The following SATL1 variants were observed in gnomAD, a reference collection of about 807,000 sequenced individuals.
SATL1 encodes the protein spermidine/spermine N1-acetyl transferase like 1.
A neutral mutation model predicts 51.8 loss-of-function variants in SATL1; 47 were observed. That is an observed-to-expected ratio of 0.91 (90% CI 0.72 to 1.16). The LOEUF (loss-of-function observed/expected upper bound fraction) is 1.16. Ranked by LOEUF, SATL1 falls within the 50% of genes most tolerant of loss-of-function variation. SATL1 has a pLI of 0.00. For synonymous variants in SATL1, 176 were observed against 182.4 expected (o/e 0.97, Z 0.28); for missense variants, 520 against 526.4 (o/e 0.99, Z 0.12).
chrX:85,218,340 C>T (rs767958942), intron 2 of SATL1, among the ~76,000 whole-genome samples: 1 of 111,593 alleles, frequency 9.0e-6, no homozygotes, highest in Non-Finnish European at 1.9e-5. Context: ...CAGATTCATA[C>T]TTTCTCAGAT....
chrX:85,120,392 T>C (rs760387014), intron 2 of SATL1, among the ~76,000 whole-genome samples: 8 of 111,177 alleles, frequency 7.2e-5, no homozygotes, highest in Non-Finnish European at 1.1e-4. Context: ...TGTGGAAAAA[T>C]TGAGAGGTAA....
At chrX:85,220,643 T>C (rs1262156999) in intron 2 of SATL1, among the ~76,000 whole-genome samples, 1 of 33,066 alleles carries the variant, frequency 3.0e-5, no homozygotes, top group Non-Finnish European at 5.0e-5. Context: ...CACTTCTGTG[T>C]TAAAAAAAAA....
chrX:85,117,591 G>A (rs187691519), intron 2 of SATL1: 1,795 of 111,147 alleles, frequency 0.016, 18 homozygotes, highest in Non-Finnish European at 0.026. Flanking sequence ...GAAAGGGAGA[G>A]AAAAGGAAAG....
intron 1 of SATL1, among the ~76,000 whole-genome samples, chrX:85,227,346 T>C (rs752755671): frequency 8.9e-6 from 1 of 112,088 alleles, no homozygotes; most frequent in East Asian, 2.8e-4. Context: ...AACTTTGAAC[T>C]GCACAAAAGT....
At position 85,164,002 on chromosome X, in the gene SATL1, A is replaced by G. The variant is rs367994673; in HGVS notation, c.-312-54722T>C. 1.4e-4 allele frequency among the ~76,000 whole-genome samples: 16 copies of G among 112,150 alleles called. No individual in the cohort carries two copies. The East Asian group carries it at 3.7e-3, about 26-fold the overall frequency. On this transcript the variant is annotated intron_variant, in intron 2 of 7. Transcript: ENST00000644105. ...TTCCTGTTGGACTAGTCCTTTTATC[A>G]TTATATAATGTCCCTCTTTGTCTTT...
intron 2 of SATL1, among the ~76,000 whole-genome samples, chrX:85,204,356 A>G (rs1459559672): frequency 8.9e-6 from 1 of 111,946 alleles, no homozygotes; most frequent in Non-Finnish European, 1.9e-5. Flanking sequence ...GTTCCTCTCC[A>G]TGATAGCCAC....
intron 2 of SATL1, among the ~76,000 whole-genome samples, 161 bp from the exon 3 acceptor site, chrX:85,109,441 C>T (rs1469658707): frequency 9.0e-6 from 1 of 110,926 alleles, no homozygotes; most frequent in Non-Finnish European, 1.9e-5. Flanking sequence ...CAAAGCAGGG[C>T]TCGCTTGACC....
chrX:85,105,784 A>T (rs1925024632), intron 3 of SATL1, among the ~76,000 whole-genome samples: 1 of 112,487 alleles, frequency 8.9e-6, no homozygotes, highest in African/African-American at 3.2e-5. Flanking sequence ...ACAAATGGAC[A>T]TAAAATATTA....
chrX:85,186,939 T>C (rs752029697), intron 2 of SATL1, among the ~76,000 whole-genome samples: 1 of 111,964 alleles, frequency 8.9e-6, no homozygotes, highest in South Asian at 3.7e-4. Flanking sequence ...TATAGATTGC[T>C]TTGATTATAT....
intron 2 of SATL1, among the ~76,000 whole-genome samples, chrX:85,178,937 C>T (rs1280088031): frequency 9.0e-6 from 1 of 111,541 alleles, no homozygotes; most frequent in South Asian, 3.7e-4. Flanking sequence ...TCAGGAGATG[C>T]TCTCTGGCCA....
chrX:85,206,906 G>A (rs996581906), intron 2 of SATL1, among the ~76,000 whole-genome samples: 4 of 111,395 alleles, frequency 3.6e-5, no homozygotes, highest in African/African-American at 1.3e-4. Context: ...TACAAGCAGA[G>A]AAAGTTTATT....
chrX:85,111,519 G>A (rs1196297964), intron 2 of SATL1, among the ~76,000 whole-genome samples: 1 of 111,991 alleles, frequency 8.9e-6, no homozygotes, highest in Non-Finnish European at 1.9e-5. Flanking sequence ...TTTTTAAAAA[G>A]CTTCAGTAGT....
At chrX:85,093,584 CAT>C (rs1241651260) in intron 6 of SATL1, among the ~76,000 whole-genome samples, 1 of 112,476 alleles carries the variant, frequency 8.9e-6, no homozygotes, top group Non-Finnish European at 1.9e-5. Flanking sequence ...ATGGCTCACA[CAT>C]GTGATGGCAC....
At chrX:85,130,223 G>T (rs1925748650) in intron 2 of SATL1, among the ~76,000 whole-genome samples, 1 of 111,607 alleles carries the variant, frequency 9.0e-6, no homozygotes, top group Non-Finnish European at 1.9e-5. Context: ...AAGGAATGGT[G>T]CCAGCTCCTC....
At chrX:85,183,243 G>A (rs1927245338) in intron 2 of SATL1, among the ~76,000 whole-genome samples, 2 of 109,623 alleles carry the variant, frequency 1.8e-5, no homozygotes, top group African/African-American at 6.6e-5. Context: ...ATTTTGAGTT[G>A]ATTTTTGTAT....
At chrX:85,189,230 C>A (rs1283404951) in intron 2 of SATL1, among the ~76,000 whole-genome samples, 1 of 111,659 alleles carries the variant, frequency 9.0e-6, no homozygotes, top group Non-Finnish European at 1.9e-5. Flanking sequence ...GCCATAGCAA[C>A]AGTCAAACTC....
At chrX:85,126,670 A>G (rs977543562) in intron 2 of SATL1, among the ~76,000 whole-genome samples, 6 of 111,127 alleles carry the variant, frequency 5.4e-5, no homozygotes, top group Non-Finnish European at 1.1e-4. Flanking sequence ...GGACAGTCCA[A>G]CCAGGGTGTA....
intron 2 of SATL1, among the ~76,000 whole-genome samples, chrX:85,137,296 G>A (rs1344963807): frequency 9.0e-6 from 1 of 111,543 alleles, no homozygotes; most frequent in Non-Finnish European, 1.9e-5. Context: ...AGTAGTGAAA[G>A]TCTGAAATAG....
At chrX:85,157,868 C>T (rs780841412) in intron 2 of SATL1, among the ~76,000 whole-genome samples, 3 of 111,359 alleles carry the variant, frequency 2.7e-5, no homozygotes, top group Non-Finnish European at 5.7e-5. Context: ...AAGCCACAAG[C>T]GAACTACCAT....
Sources: allele counts gnomAD v4.1 joint callset (sites outside exome capture counted in the v4.1 genomes callset), GRCh38; gene constraint gnomAD v4.1.1; transcripts MANE v1.5; gene names NCBI Gene and HGNC (gene_info 2026-07-23, HGNC 2026-07-21).